Variants in PRELID2 observed in about 807,000 individuals in gnomAD.
PRELID2 encodes PRELI domain containing 2.
Under a neutral mutation model 28.4 loss-of-function variants are expected in PRELID2, and 25 were observed. That is an observed-to-expected ratio of 0.88 (90% confidence interval 0.64 to 1.23). PRELID2 has a LOEUF of 1.23. Ranked by LOEUF, PRELID2 falls within the 50% of genes most tolerant of loss-of-function variation. The pLI, the probability that PRELID2 is intolerant of heterozygous loss-of-function variation, is 0.00. For missense variants in PRELID2, 201 were observed against 214.4 expected (o/e 0.94, Z 0.39); for synonymous variants, 76 against 71.6 (o/e 1.06, Z -0.31).
chr5:145,676,060 A>T (rs1484933258), intron 1 of PRELID2, among the ~76,000 whole-genome samples: 1 of 151,846 alleles, frequency 6.6e-6, no homozygotes, highest in Non-Finnish European at 1.5e-5. Context: ...GTCTCTACTA[A>T]AAATACAAAA....
the PRELID2 span, among the ~76,000 whole-genome samples, chr5:145,344,493 T>G: frequency 6.6e-6 from 1 of 152,122 alleles, no homozygotes. Context: ...TTTAGGCTGT[T>G]TCTAACTTTT....
intron 1 of PRELID2, among the ~76,000 whole-genome samples, chr5:145,601,322 A>T (rs953043809): frequency 7.2e-5 from 11 of 152,164 alleles, no homozygotes; most frequent in Non-Finnish European, 1.5e-4. Context: ...CAGAGAGAAA[A>T]AAATGGAAAT....
the PRELID2 span, among the ~76,000 whole-genome samples, chr5:145,407,746 G>A: frequency 3.3e-5 from 5 of 152,120 alleles, no homozygotes; most frequent in African/African-American, 1.2e-4. Flanking sequence ...CTCCAACAAA[G>A]GAGAAAACAA....
chr5:145,614,192 A>T (rs1753662537), intron 1 of PRELID2, among the ~76,000 whole-genome samples: 1 of 152,152 alleles, frequency 6.6e-6, no homozygotes, highest in Admixed American at 6.5e-5. Context: ...CTGTTTTTGT[A>T]CCAGTACCAT....
At chr5:145,608,486 C>A (rs1162073474) in intron 1 of PRELID2, among the ~76,000 whole-genome samples, 1 of 152,136 alleles carries the variant, frequency 6.6e-6, no homozygotes, top group Non-Finnish European at 1.5e-5. Context: ...GATCTTATTT[C>A]TCCATCACTT....
chr5:145,819,638 G>A (rs1754617588), intron 3 of PRELID2: 1 of 575,134 alleles, frequency 1.7e-6, no homozygotes. Context: ...TCACCTAAGA[G>A]TAATTTCTAA....
chr5:145,297,916 T>C, the PRELID2 span, among the ~76,000 whole-genome samples: 2 of 152,066 alleles, frequency 1.3e-5, no homozygotes, highest in East Asian at 1.9e-4. Context: ...TTACAAGGGA[T>C]GTGAAGGACC....
intron 5 of PRELID2, among the ~76,000 whole-genome samples, chr5:145,792,872 A>G (rs1752487097): frequency 6.6e-6 from 1 of 152,238 alleles, no homozygotes; most frequent in Admixed American, 6.5e-5. Flanking sequence ...TAGTTTTCAC[A>G]TGTACCTGTG....
At chr5:145,487,463 G>C (rs1345427645) in intron 1 of PRELID2, among the ~76,000 whole-genome samples, 2 of 152,178 alleles carry the variant, frequency 1.3e-5, no homozygotes, top group East Asian at 1.9e-4. Context: ...ACTGATGCGA[G>C]TAGTATCTTC....
intron 1 of PRELID2, among the ~76,000 whole-genome samples, chr5:145,645,285 G>C (rs1307952139): frequency 1.5e-5 from 2 of 133,812 alleles, no homozygotes; most frequent in Non-Finnish European, 3.1e-5. Flanking sequence ...TTTGTCTCTT[G>C]ATCTTTGTTG....
At chr5:145,411,623 G>A in the PRELID2 span, among the ~76,000 whole-genome samples, 8 of 152,176 alleles carry the variant, frequency 5.3e-5, no homozygotes, top group African/African-American at 1.9e-4. Context: ...AGTGCAAGCT[G>A]TCAGTGGATC....
intron 1 of PRELID2, among the ~76,000 whole-genome samples, chr5:145,700,635 G>A (rs1397854402): frequency 6.6e-6 from 1 of 152,052 alleles, no homozygotes; most frequent in African/African-American, 2.4e-5. Flanking sequence ...AAAAGTATCT[G>A]TCCTTGCTGC....
intron 1 of PRELID2, among the ~76,000 whole-genome samples, chr5:145,829,565 T>C (rs1053318092): frequency 3.3e-5 from 5 of 152,230 alleles, no homozygotes; most frequent in Non-Finnish European, 7.3e-5. Context: ...TGATTATTAT[T>C]CTCATTTTGC....
the PRELID2 span, among the ~76,000 whole-genome samples, chr5:145,427,035 C>G: frequency 6.6e-6 from 1 of 152,186 alleles, no homozygotes; most frequent in Non-Finnish European, 1.5e-5. Context: ...GGACAAGGTA[C>G]AGAACGGATC....
chr5:145,482,784 GGTGATGGGAGACA>G (rs1323978949), intron 1 of PRELID2, among the ~76,000 whole-genome samples: 1 of 151,708 alleles, frequency 6.6e-6, no homozygotes, highest in South Asian at 2.1e-4. Flanking sequence ...CCCATCTGGG[GGTGATGGGAGACA>G]GTGACAGATC....
Position 145,819,773 on chromosome 5 carries a change from A to G in PRELID2, c.207+172T>C, listed in dbSNP as rs1215346323. The G allele has an allele frequency of 8.1e-6, 5 of 614,234 alleles. No homozygotes were observed. The East Asian group carries it at 1.4e-4, about 18-fold the overall frequency. 38.0% of individuals were successfully genotyped at this position (614,234 alleles called of 1,614,324 possible). ...AGAGAGACAAAGTATCTCCAGTGGCATCTGCTAAAAGTGAGGTTGGATAAG... is the reference window on the plus strand; with the variant it reads ...AGAGAGACAAAGTATCTCCAGTGGCGTCTGCTAAAAGTGAGGTTGGATAAG... On this transcript the variant is annotated intron_variant, in intron 3 of 6. Transcript: ENST00000683046.
chr5:145,348,135 G>C, the PRELID2 span, among the ~76,000 whole-genome samples: 2 of 152,096 alleles, frequency 1.3e-5, no homozygotes, highest in African/African-American at 4.8e-5. Context: ...CATCAGAAAA[G>C]TTACGTGGCA....
At chr5:145,670,379 C>T (rs965844207) in intron 1 of PRELID2, among the ~76,000 whole-genome samples, 2 of 152,094 alleles carry the variant, frequency 1.3e-5, no homozygotes, top group African/African-American at 4.8e-5. Context: ...GATCCATCCC[C>T]ACGACACAAA....
chr5:145,781,839 G>T (rs1441142784), intron 5 of PRELID2, among the ~76,000 whole-genome samples: 2 of 150,284 alleles, frequency 1.3e-5, no homozygotes, highest in Admixed American at 6.7e-5. Context: ...ATGCAGCCTG[G>T]CCAGAGCTGT....
Sources: gnomAD v4.1 joint callset for allele counts (sites outside exome capture counted in the v4.1 genomes callset) on GRCh38, gnomAD v4.1.1 for gene constraint, MANE v1.5 for transcripts, NCBI Gene and HGNC (gene_info 2026-07-23, HGNC 2026-07-21) for gene names.